Variants in CD44 observed in about 807,000 individuals in gnomAD.
The protein encoded by CD44 is CD44 antigen.
In CD44, 49 loss-of-function variants were observed where a neutral mutation model predicts 88.8. The observed-to-expected ratio is 0.55, with a 90% confidence interval of 0.44 to 0.70. The LOEUF is 0.70. Among genes scored for constraint, CD44 ranks in the 30% least tolerant of loss-of-function variants. The pLI, the probability that CD44 is intolerant of heterozygous loss-of-function variation, is 0.00. For missense variants in CD44, 883 were observed against 913.8 expected, an observed-to-expected ratio of 0.97 and a Z score of 0.43; for synonymous variants, 325 against 312.3, an observed-to-expected ratio of 1.04 and a Z score of -0.43.
chr11:35,199,939 T>TG (rs1447092959), intron 7 of CD44, among the ~76,000 whole-genome samples: 7 of 43,138 alleles, frequency 1.6e-4, no homozygotes, highest in Non-Finnish European at 3.8e-4. Flanking sequence ...GTGTTGTTTT[T>TG]TTTTTTTTTT....
rs1950042142 is a variant in CD44 at position 35,231,182 on chromosome 11, C to T, written c.*1849C>T. On this transcript the variant is annotated 3_prime_UTR_variant, in exon 18 of 18. Coordinates refer to ENST00000428726, the MANE Select transcript of CD44 (RefSeq NM_000610.4). ...AGTGGTCTGGATTTCTTTTTATTTT[C>T]TTTTCAACTTGAAAGAAACTGGACA... 1 of 152,574 alleles carries T rather than the reference C, an allele frequency of 6.6e-6. No homozygotes were observed. The highest frequency in any genetic ancestry group is 1.5e-5 in the Non-Finnish European group (1 of 68,008). The allele number at this position is 152,574 out of a possible 1,614,324, so 9.5% of individuals were successfully genotyped here.
chr11:35,189,381 T>C (rs943565597), intron 4 of CD44, among the ~76,000 whole-genome samples: 1 of 152,224 alleles, frequency 6.6e-6, no homozygotes, highest in African/African-American at 2.4e-5. Flanking sequence ...TTCAAATCCT[T>C]TTCGGAGGAA....
chr11:35,171,126 A>G (rs768268313), intron 1 of CD44, among the ~76,000 whole-genome samples: 4 of 152,262 alleles, frequency 2.6e-5, no homozygotes, highest in African/African-American at 7.2e-5. Context: ...TGCTGTTGGC[A>G]TTATTAATAT....
Position 35,206,964 on chromosome 11 carries a change from A to G in CD44, c.1414+721A>G, listed in dbSNP as rs184703454. ...GTACTGATGAAGAGAAAGAGATTCC[A>G]TTAAATTAATGAACATGTCAAGGAC... is the stretch of plus-strand genomic sequence containing the variant. On this transcript the variant is annotated intron_variant, in intron 11 of 17. Transcript: ENST00000428726. Among the ~76,000 whole-genome samples, 437 of 152,376 alleles carry G rather than the reference A, an allele frequency of 2.9e-3. 2 individuals are homozygous for G. Among genetic ancestry groups the G allele is most frequent in the Non-Finnish European group, 5.6e-3 (380 of 68,040 alleles).
At chr11:35,160,618 A>G (rs764757925) in intron 1 of CD44, among the ~76,000 whole-genome samples, 6 of 152,152 alleles carry the variant, frequency 3.9e-5, no homozygotes, top group Non-Finnish European at 7.4e-5. Context: ...TTCAAATCCA[A>G]CTCTGTTCTT....
intron 15 of CD44, among the ~76,000 whole-genome samples, chr11:35,218,322 C>T (rs1360616312): frequency 6.6e-6 from 1 of 152,108 alleles, no homozygotes; most frequent in Non-Finnish European, 1.5e-5. Context: ...GGGCCACTGC[C>T]GCTAAACTCC....
chr11:35,199,110 A>C (rs1406489575), intron 7 of CD44, among the ~76,000 whole-genome samples: 2 of 152,218 alleles, frequency 1.3e-5, no homozygotes, highest in African/African-American at 4.8e-5. Flanking sequence ...TTAACAAATG[A>C]GCTGGACACC....
intron 17 of CD44, chr11:35,222,231 C>A: frequency 2.7e-6 from 1 of 366,994 alleles, no homozygotes; most frequent in Non-Finnish European, 5.6e-6. Flanking sequence ...CTCTCTGAGG[C>A]CCAGGGAACC....
At chr11:35,194,327 T>C (rs1946533110) in intron 5 of CD44, among the ~76,000 whole-genome samples, 1 of 152,218 alleles carries the variant, frequency 6.6e-6, no homozygotes, top group Admixed American at 6.5e-5. Context: ...CTAATTATCA[T>C]TCAATAATAG....
At chr11:35,199,305 G>C (rs1167832982) in intron 7 of CD44, among the ~76,000 whole-genome samples, 1 of 152,166 alleles carries the variant, frequency 6.6e-6, no homozygotes, top group African/African-American at 2.4e-5. Context: ...TCCTTAAAAA[G>C]TTAAAAACAT....
intron 16 of CD44, 28 bp from the exon 17 acceptor site, chr11:35,221,626 C>A: frequency 6.3e-7 from 1 of 1,585,112 alleles, no homozygotes; most frequent in Non-Finnish European, 8.7e-7. Flanking sequence ...CTGAAGCTCA[C>A]GCATGTCATT....
rs1170774230 is a variant in CD44, at chr11:35,139,300, C to T, written c.-4C>T. 1 of 1,558,938 alleles carries T rather than the reference C, an allele frequency of 6.4e-7. No individual in the cohort carries two copies. The highest frequency in any genetic ancestry group is 2.4e-5 in the East Asian group (1 of 41,916). The stretch of plus-strand genomic sequence containing the variant: ...GCCCGCGCCCTCCGTTCGCTCCGGA[C>T]ACCATGGACAAGTTTTGGTGGCACG... On this transcript the variant is annotated 5_prime_UTR_variant, in exon 1 of 18. Transcript: ENST00000428726.
At chr11:35,192,328 G>A (rs1258296839) in intron 5 of CD44, among the ~76,000 whole-genome samples, 1 of 152,214 alleles carries the variant, frequency 6.6e-6, no homozygotes, top group Non-Finnish European at 1.5e-5. Flanking sequence ...GTGGAAACTT[G>A]AACGTAGCAT....
chr11:35,215,119 A>G (rs1222121910), intron 15 of CD44: 4 of 394,438 alleles, frequency 1.0e-5, no homozygotes, highest in East Asian at 7.2e-5. Flanking sequence ...GTGGAGCCCA[A>G]GCATTTGCAT....
At chr11:35,226,868 CT>C (rs200452440) in intron 17 of CD44, among the ~76,000 whole-genome samples, 4,075 of 138,674 alleles carry the variant, frequency 0.029, 186 homozygotes, top group African/African-American at 0.1. Context: ...CCCTTTTCTT[CT>C]TTCTTTTTTC....
intron 1 of CD44, among the ~76,000 whole-genome samples, chr11:35,175,221 T>C (rs992426438): frequency 6.6e-6 from 1 of 152,200 alleles, no homozygotes; most frequent in South Asian, 2.1e-4. Context: ...CAGAGCAAGC[T>C]ACTTTGAGGT....
chr11:35,211,534 T>A, intron 14 of CD44, 85 bp downstream of exon 14: 2 of 988,514 alleles, frequency 2.0e-6, no homozygotes, highest in Non-Finnish European at 3.1e-6. Flanking sequence ...ATTTTCTGTG[T>A]AGTCTGGGAT....
intron 9 of CD44, among the ~76,000 whole-genome samples, chr11:35,203,505 C>T (rs1947511428): frequency 6.6e-6 from 1 of 151,854 alleles, no homozygotes. Context: ...GCTTTTTTCC[C>T]CCTCCTCCTG....
Position 35,214,898 on chromosome 11 carries a change from T to A in CD44, c.1857T>A (p.His619Gln). Reference sequence around the variant, plus strand: ...CCAGTGGGGGGTCCCATACCACTCATGGATCTGAATCAGATGGTGAGTTCA... The same window carrying A: ...CCAGTGGGGGGTCCCATACCACTCAAGGATCTGAATCAGATGGTGAGTTCA... ...FHPSGGSHTT[H>Q]GSESDGHSHG... The change falls in exon 15 of 18, where the codon CAT (histidine) becomes CAA (glutamine). Residue 619 changes from histidine to glutamine, a missense_variant. His to Gln is a conservative substitution (Grantham distance 24). Transcript: ENST00000428726. 1 of 1,559,590 alleles carries A rather than the reference T, an allele frequency of 6.4e-7. No homozygotes were observed. Among genetic ancestry groups the A allele is most frequent in the East Asian group, 2.4e-5 (1 of 41,568 alleles).
Sources: gnomAD v4.1 joint callset for allele counts (sites outside exome capture counted in the v4.1 genomes callset) on GRCh38, gnomAD v4.1.1 for gene constraint, MANE v1.5 for transcripts, NCBI Gene and HGNC (gene_info 2026-07-23, HGNC 2026-07-21) for gene names.